AMBRA1: variants seen among roughly 807,000 people sequenced by gnomAD.
AMBRA1 encodes autophagy and beclin 1 regulator 1.
AMBRA1 carries 47 observed loss-of-function variants against 125.4 expected under a neutral mutation model. That is an observed-to-expected ratio of 0.37 (90% CI 0.30 to 0.48). The LOEUF (loss-of-function observed/expected upper bound fraction) is 0.48, where lower values mean the gene tolerates loss of function less well. Ranked by LOEUF, AMBRA1 falls within the 20% of genes least tolerant of loss-of-function variation. The probability of loss-of-function intolerance (pLI) is 0.99; values close to 1 mark genes in which losing one functional copy is unlikely to be tolerated. For missense variants in AMBRA1, 1,331 were observed against 1,693.4 expected, an observed-to-expected ratio of 0.79 and a Z score of 3.76; for synonymous variants, 626 against 655.5, an observed-to-expected ratio of 0.95 and a Z score of 0.69.
chr11:46,464,995 G>A lies in AMBRA1; in HGVS notation c.2522-21397C>T, dbSNP rs376679597. 1.6e-4 allele frequency among the ~76,000 whole-genome samples: 25 copies of A among 152,090 alleles called. No homozygotes were observed. In the East Asian group the frequency reaches 2.9e-3, roughly 18 times the overall value. The stretch of plus-strand genomic sequence containing the variant: ...GGAGGTGGAGGTTGCAGTGAGCTGC[G>A]ATCGCGCCACCGCACTCCAGCCTGG... On this transcript the variant is annotated intron_variant, in intron 11 of 17. Transcript: ENST00000683756.
intron 17 of AMBRA1, among the ~76,000 whole-genome samples, 174 bp downstream of exon 17, chr11:46,408,339 G>A (rs1197618020): frequency 6.6e-6 from 1 of 152,172 alleles, no homozygotes; most frequent in Admixed American, 6.5e-5. Flanking sequence ...GAGTTGAGGC[G>A]AGCTGCAAGA....
chr11:46,410,490 T>C, intron 15 of AMBRA1, 122 bp from the exon 16 acceptor site: 1 of 830,656 alleles, frequency 1.2e-6, no homozygotes, highest in Non-Finnish European at 2.0e-6. Context: ...CTCCTGGGGC[T>C]GAGCTGAAAC....
intron 11 of AMBRA1, among the ~76,000 whole-genome samples, chr11:46,444,575 G>T (rs1190635058): frequency 1.3e-5 from 2 of 152,138 alleles, no homozygotes; most frequent in Non-Finnish European, 2.9e-5. Flanking sequence ...GGTATTCTCA[G>T]CTGTAAATCA....
intron 1 of AMBRA1, among the ~76,000 whole-genome samples, chr11:46,550,450 C>A (rs781719776): frequency 6.6e-6 from 1 of 152,142 alleles, no homozygotes; most frequent in Non-Finnish European, 1.5e-5. Flanking sequence ...ATATCTCCCC[C>A]TTTACAATTA....
At chr11:46,586,805 G>A (rs568953044) in intron 1 of AMBRA1, among the ~76,000 whole-genome samples, 3 of 152,158 alleles carry the variant, frequency 2.0e-5, no homozygotes, top group African/African-American at 7.2e-5. Context: ...CAGGGGTGCT[G>A]GAATTTGAAC....
intron 12 of AMBRA1, among the ~76,000 whole-genome samples, chr11:46,439,078 C>T (rs1268413021): frequency 6.6e-6 from 1 of 152,004 alleles, no homozygotes; most frequent in Non-Finnish European, 1.5e-5. Flanking sequence ...CGAGACCAGC[C>T]TGGGCAACAC....
intron 15 of AMBRA1, among the ~76,000 whole-genome samples, chr11:46,414,002 C>T (rs1946415987): frequency 1.3e-5 from 2 of 152,056 alleles, no homozygotes; most frequent in South Asian, 4.1e-4. Flanking sequence ...GCTTCCACCT[C>T]ACACCTGGCT....
intron 11 of AMBRA1, among the ~76,000 whole-genome samples, chr11:46,484,057 G>A (rs994212399): frequency 1.3e-5 from 2 of 152,204 alleles, no homozygotes; most frequent in Non-Finnish European, 2.9e-5. Flanking sequence ...AGTCTCTCAT[G>A]TTATAGGGCT....
intron 12 of AMBRA1, among the ~76,000 whole-genome samples, chr11:46,436,313 A>G (rs1947714596): frequency 6.6e-6 from 1 of 152,188 alleles, no homozygotes; most frequent in Non-Finnish European, 1.5e-5. Flanking sequence ...GTAAAACTCT[A>G]TTTGTTCTCC....
chr11:46,565,715 C>T (rs199744367), intron 1 of AMBRA1, among the ~76,000 whole-genome samples: 11 of 151,720 alleles, frequency 7.3e-5, no homozygotes, highest in Non-Finnish European at 1.2e-4. Flanking sequence ...CAAAAAAAAA[C>T]GTGTATAAAA....
At chr11:46,556,603 G>A (rs2043162954) in intron 1 of AMBRA1, among the ~76,000 whole-genome samples, 1 of 151,936 alleles carries the variant, frequency 6.6e-6, no homozygotes, top group African/African-American at 2.4e-5. Context: ...CATATATATG[G>A]GCCCCGCAGT....
At chr11:46,535,293 T>C (rs1481213952) in intron 7 of AMBRA1, among the ~76,000 whole-genome samples, 1 of 152,158 alleles carries the variant, frequency 6.6e-6, no homozygotes, top group Non-Finnish European at 1.5e-5. Flanking sequence ...GGGGGAACTA[T>C]TCACACTCCG....
At chr11:46,519,457 T>C (rs1951666157) in intron 7 of AMBRA1, among the ~76,000 whole-genome samples, 1 of 152,238 alleles carries the variant, frequency 6.6e-6, no homozygotes, top group South Asian at 2.1e-4. Flanking sequence ...TTTTAACTGG[T>C]TGTCAGATCA....
intron 7 of AMBRA1, among the ~76,000 whole-genome samples, chr11:46,523,899 G>A (rs574077742): frequency 1.3e-5 from 2 of 152,170 alleles, no homozygotes; most frequent in Admixed American, 6.5e-5. Flanking sequence ...ATAGAGTTTC[G>A]CTCTTGTTGC....
rs779887419 is a variant in AMBRA1, at chr11:46,397,513, A to G, written c.3834T>C (p.Leu1278=). The G allele has an allele frequency of 2.0e-6, 3 of 1,533,566 alleles. No homozygotes were observed. The highest frequency in any genetic ancestry group is 2.6e-6 in the Non-Finnish European group (3 of 1,138,082). The allele number at this position is 1,533,566 out of a possible 1,614,324, so 95.0% of individuals were successfully genotyped here. A position where few individuals can be genotyped will look rare whatever the true frequency, so the allele number is the denominator to read the frequency against. ...LHCELTNNNH[L]LDGGSSRGDA... is the part of the protein sequence containing the mutation. ...CCCCCCTGCTGCTGCCACCATCCAGAAGGTGGTTGTTATTGGTCAACTCGC... is the reference window on the plus strand; with the variant it reads ...CCCCCCTGCTGCTGCCACCATCCAGGAGGTGGTTGTTATTGGTCAACTCGC... The change falls in exon 18 of 18, where the codon CTT becomes CTC. Residue 1278 remains leucine (L), a synonymous_variant. Transcript: ENST00000683756.
At chr11:46,411,099 CAAAAAAAAAAAAAAAGAAAA>C (rs1182369576) in intron 15 of AMBRA1, among the ~76,000 whole-genome samples, 6 of 60,190 alleles carry the variant, frequency 1.0e-4, no homozygotes, top group African/African-American at 4.1e-4. Flanking sequence ...GACTCTGTCT[CAAAAAAAAAAAAAAAGAAAA>C]AAAAAAAAAA....
At chr11:46,448,680 T>A (rs781141877) in intron 11 of AMBRA1, among the ~76,000 whole-genome samples, 3 of 151,616 alleles carry the variant, frequency 2.0e-5, no homozygotes, top group African/African-American at 7.3e-5. Context: ...GAAAGATCAA[T>A]AAACAATAAA....
chr11:46,463,152 T>C (rs1285368122), intron 11 of AMBRA1, among the ~76,000 whole-genome samples: 3 of 152,238 alleles, frequency 2.0e-5, no homozygotes, highest in East Asian at 1.9e-4. Flanking sequence ...TCTTATTCTG[T>C]TACAGTTCTT....
chr11:46,562,639 T>C (rs1178871751), intron 1 of AMBRA1, among the ~76,000 whole-genome samples: 11 of 152,010 alleles, frequency 7.2e-5, no homozygotes, highest in Admixed American at 5.9e-4. Context: ...TTCTACTATA[T>C]GTGTTATGTT....
Sources: allele counts gnomAD v4.1 joint callset (sites outside exome capture counted in the v4.1 genomes callset), GRCh38; gene constraint gnomAD v4.1.1; transcripts MANE v1.5; gene names NCBI Gene and HGNC (gene_info 2026-07-23, HGNC 2026-07-21).